Variants in CACNA2D3 observed in about 807,000 individuals in gnomAD.
CACNA2D3 encodes the protein voltage-dependent calcium channel subunit alpha-2/delta-3.
A neutral mutation model predicts 160.6 loss-of-function variants in CACNA2D3; 60 were observed. The ratio of observed to expected loss-of-function variants is 0.37; its 90% CI spans 0.30 to 0.46. The LOEUF is 0.46. CACNA2D3 is among the 20% of genes least tolerant of loss of function. The pLI is 1.00. For synonymous variants in CACNA2D3, 558 were observed against 492.9 expected, an observed-to-expected ratio of 1.13 and a Z score of -1.75; for missense variants, 1,205 against 1,365.0, an observed-to-expected ratio of 0.88 and a Z score of 1.85.
chr3:54,744,526 G>T (rs531923743), intron 11 of CACNA2D3, among the ~76,000 whole-genome samples: 2 of 152,142 alleles, frequency 1.3e-5, no homozygotes, highest in African/African-American at 2.4e-5. Flanking sequence ...CTCTCCAAGG[G>T]TTATAAAAGT....
rs112699567 is a variant in CACNA2D3, at chr3:54,719,517, A to G, written c.1168-33082A>G. ...GTGGTATAAATTCAACTTTGTCATA[A>G]TATATTAAACTTTTATATTTCACTG... On this transcript the variant is annotated intron_variant, in intron 11 of 37. Coordinates refer to ENST00000474759, the MANE Select transcript of CACNA2D3 (RefSeq NM_018398.3). Among the ~76,000 whole-genome samples the G allele has an allele frequency of 2.5e-3, 378 of 152,170 alleles. 4 individuals carry two copies. Among genetic ancestry groups the G allele is most frequent in the Non-Finnish European group, 3.3e-3 (226 of 67,896 alleles).
At chr3:54,192,694 G>GTT (rs34850441) in intron 2 of CACNA2D3, among the ~76,000 whole-genome samples, 1 of 151,888 alleles carries the variant, frequency 6.6e-6, no homozygotes. Flanking sequence ...GTGTGTGTGT[G>GTT]TTTGTGTATT....
intron 23 of CACNA2D3, 74 bp downstream of exon 23, chr3:54,885,660 C>G: frequency 8.8e-7 from 1 of 1,130,942 alleles, no homozygotes. Flanking sequence ...ATTTTTTGGC[C>G]TCACTTGTTA....
chr3:54,689,686 A>G (rs1169962562), intron 11 of CACNA2D3, among the ~76,000 whole-genome samples: 2 of 151,936 alleles, frequency 1.3e-5, no homozygotes, highest in African/African-American at 4.8e-5. Flanking sequence ...GAATTAGTCA[A>G]TCCTCGTGGC....
chr3:54,712,638 T>C (rs1700973558), intron 11 of CACNA2D3, among the ~76,000 whole-genome samples: 1 of 152,246 alleles, frequency 6.6e-6, no homozygotes, highest in Non-Finnish European at 1.5e-5. Flanking sequence ...CTCTTTATTT[T>C]GTAAATTGCC....
intron 4 of CACNA2D3, among the ~76,000 whole-genome samples, chr3:54,392,884 T>C (rs1868503): frequency 0.11 from 16,645 of 152,116 alleles, 1,084 homozygotes; most frequent in African/African-American, 0.17. Flanking sequence ...GAAGCCTTTC[T>C]AGGAAAAAGG....
intron 35 of CACNA2D3, among the ~76,000 whole-genome samples, chr3:55,040,700 C>T (rs568254153): frequency 6.6e-6 from 1 of 152,190 alleles, no homozygotes; most frequent in Non-Finnish European, 1.5e-5. Flanking sequence ...ATAAAAAAGC[C>T]ATTTGAAATA....
chr3:54,378,672 C>T (rs1221709829), intron 3 of CACNA2D3, among the ~76,000 whole-genome samples: 1 of 152,164 alleles, frequency 6.6e-6, no homozygotes, highest in Non-Finnish European at 1.5e-5. Flanking sequence ...CTAAAACATT[C>T]CCAGGAGAGC....
intron 9 of CACNA2D3, among the ~76,000 whole-genome samples, chr3:54,614,923 G>A (rs536666639): frequency 1.3e-5 from 2 of 152,232 alleles, no homozygotes; most frequent in Admixed American, 1.3e-4. Context: ...CCCATGCTGA[G>A]ACTAAAATGA....
intron 4 of CACNA2D3, among the ~76,000 whole-genome samples, chr3:54,457,719 T>C (rs1244127201): frequency 6.6e-6 from 1 of 152,034 alleles, no homozygotes. Flanking sequence ...ATATTTGCTT[T>C]ACATGTAAAT....
chr3:54,355,699 G>A (rs1178432078), intron 3 of CACNA2D3, among the ~76,000 whole-genome samples: 1 of 152,172 alleles, frequency 6.6e-6, no homozygotes, highest in African/African-American at 2.4e-5. Context: ...TTGGATCTGT[G>A]AGGCCTAAGC....
chr3:54,338,192 C>T lies in CACNA2D3; in HGVS notation c.321+17634C>T, dbSNP rs376104485. 2.5e-4 allele frequency among the ~76,000 whole-genome samples: 38 copies of T among 152,302 alleles called. No homozygotes were observed. In the South Asian group the frequency reaches 6.6e-3, roughly 27 times the overall value. Reference sequence around the variant, plus strand: ...TACAGCAATCACTGGCGCACAAAGGCGCTGCAGTAAGAAAACATTTGGGAA... The same window carrying T: ...TACAGCAATCACTGGCGCACAAAGGTGCTGCAGTAAGAAAACATTTGGGAA... On this transcript the variant is annotated intron_variant, in intron 3 of 37. Coordinates refer to ENST00000474759, the MANE Select transcript of CACNA2D3 (RefSeq NM_018398.3).
At chr3:54,981,325 A>G (rs1481023124) in intron 29 of CACNA2D3, among the ~76,000 whole-genome samples, 4 of 152,182 alleles carry the variant, frequency 2.6e-5, no homozygotes, top group African/African-American at 9.7e-5. Flanking sequence ...ACAATACAGA[A>G]AGACACACAC....
At position 54,922,320 on chromosome 3, in the gene CACNA2D3, C is replaced by CT. The variant is rs199955110; in HGVS notation, c.2449+22469dup. Among the ~76,000 whole-genome samples the CT allele has an allele frequency of 5.6e-3, 772 of 137,008 alleles. 6 individuals are homozygous for CT. Among genetic ancestry groups the CT allele is most frequent in the Non-Finnish European group, 8.8e-3 (551 of 62,356 alleles). 89.9% of individuals were successfully genotyped at this position (137,008 alleles called of 152,430 possible). A position where few individuals can be genotyped will look rare whatever the true frequency, so the allele number is the denominator to read the frequency against. On this transcript the variant is annotated intron_variant, in intron 27 of 37. Coordinates refer to ENST00000474759, the MANE Select transcript of CACNA2D3 (RefSeq NM_018398.3). Reference sequence around the variant, plus strand: ...GCTTCCAGTGCCCTAGTCCTGGGAACTTTTTTTTTTTTTTTTTAATCAAGA... The same window carrying CT: ...GCTTCCAGTGCCCTAGTCCTGGGAACTTTTTTTTTTTTTTTTTTAATCAAGA...
At chr3:54,279,916 A>G (rs936823424) in intron 2 of CACNA2D3, among the ~76,000 whole-genome samples, 4 of 152,090 alleles carry the variant, frequency 2.6e-5, no homozygotes, top group African/African-American at 9.7e-5. Context: ...ACACGAAGCA[A>G]AGGTTCCCTA....
intron 11 of CACNA2D3, among the ~76,000 whole-genome samples, chr3:54,672,879 G>A (rs1423475903): frequency 6.6e-6 from 1 of 152,224 alleles, no homozygotes; most frequent in Non-Finnish European, 1.5e-5. Flanking sequence ...AGAGATGACA[G>A]TGTGATACCA....
At chr3:54,517,675 C>T (rs1701575347) in intron 5 of CACNA2D3, among the ~76,000 whole-genome samples, 1 of 152,308 alleles carries the variant, frequency 6.6e-6, no homozygotes, top group South Asian at 2.1e-4. Flanking sequence ...TCTTCATGCC[C>T]AACAGAGGTT....
intron 3 of CACNA2D3, among the ~76,000 whole-genome samples, chr3:54,322,942 T>C (rs1704037552): frequency 1.3e-5 from 2 of 152,262 alleles, no homozygotes; most frequent in South Asian, 4.1e-4. Flanking sequence ...ATGTGTATTC[T>C]ATATATTTTA....
intron 4 of CACNA2D3, among the ~76,000 whole-genome samples, chr3:54,465,669 G>T (rs1448347199): frequency 6.6e-6 from 1 of 152,066 alleles, no homozygotes; most frequent in Non-Finnish European, 1.5e-5. Flanking sequence ...CGTACAGGTT[G>T]GTGCAAAAGT....
Sources: allele counts gnomAD v4.1 joint callset (sites outside exome capture counted in the v4.1 genomes callset), GRCh38; gene constraint gnomAD v4.1.1; transcripts MANE v1.5; gene names NCBI Gene and HGNC (gene_info 2026-07-23, HGNC 2026-07-21).